The following CSMD1 variants were observed in gnomAD, a reference collection of about 807,000 sequenced individuals.
The protein encoded by CSMD1 is CUB and sushi domain-containing protein 1.
Under a neutral mutation model 417.5 loss-of-function variants are expected in CSMD1, and 213 were observed. The ratio of observed to expected loss-of-function variants is 0.51; its 90% CI spans 0.46 to 0.57. CSMD1 has a LOEUF of 0.57. Ranked by LOEUF, CSMD1 falls within the 20% of genes least tolerant of loss-of-function variation. The pLI, the probability that CSMD1 is intolerant of heterozygous loss-of-function variation, is 0.00. For synonymous variants in CSMD1, 2,862 were observed against 1,736.8 expected (o/e 1.65, Z -16.11); for missense variants, 6,923 against 4,529.7 (o/e 1.53, Z -15.17).
In CSMD1 at chr8:3,722,823, G is replaced by A. The variant is rs147670685; in HGVS notation, c.932-14332C>T. Among the ~76,000 whole-genome samples, 654 of 152,290 alleles carry A rather than the reference G, an allele frequency of 4.3e-3. 7 individuals carry two copies. The highest frequency in any genetic ancestry group is 0.015 in the African/African-American group (618 of 41,562). On this transcript the variant is annotated intron_variant, in intron 6 of 69. Coordinates refer to ENST00000635120, the MANE Select transcript of CSMD1 (RefSeq NM_033225.6). ...TAACAAGGAACGATGCTGGTCTTGA[G>A]GAAAAATATGTTTGAGATTCCCCGA...
chr8:4,689,299 G>C (rs912772746), intron 1 of CSMD1, among the ~76,000 whole-genome samples: 1 of 152,134 alleles, frequency 6.6e-6, no homozygotes, highest in Non-Finnish European at 1.5e-5. Context: ...ATGTAGGAAG[G>C]TATATTTGGG....
intron 23 of CSMD1, among the ~76,000 whole-genome samples, chr8:3,309,609 A>G (rs1452797698): frequency 6.6e-6 from 1 of 152,166 alleles, no homozygotes; most frequent in Non-Finnish European, 1.5e-5. Context: ...CATGATGCAA[A>G]TTTTGACAAT....
intron 3 of CSMD1, among the ~76,000 whole-genome samples, chr8:4,257,790 C>T (rs1272370971): frequency 6.6e-6 from 1 of 152,142 alleles, no homozygotes; most frequent in Non-Finnish European, 1.5e-5. Context: ...GTAGGAATGC[C>T]ACTAGCATTT....
chr8:4,927,749 C>A (rs1806967111), intron 1 of CSMD1, among the ~76,000 whole-genome samples: 1 of 152,114 alleles, frequency 6.6e-6, no homozygotes, highest in Admixed American at 6.6e-5. Flanking sequence ...TAGGACTTGG[C>A]AAATGCATTT....
chr8:2,960,370 C>A (rs1022973853), intron 62 of CSMD1, among the ~76,000 whole-genome samples: 3 of 152,118 alleles, frequency 2.0e-5, no homozygotes, highest in Non-Finnish European at 4.4e-5. Context: ...TTCGTGCTCA[C>A]GAGAGATGGG....
intron 4 of CSMD1, among the ~76,000 whole-genome samples, chr8:4,003,519 A>C (rs1045180170): frequency 6.6e-6 from 1 of 152,236 alleles, no homozygotes; most frequent in African/African-American, 2.4e-5. Context: ...AGTGAATTCT[A>C]GAACAAACCA....
chr8:3,649,026 C>A (rs766436547), intron 7 of CSMD1, among the ~76,000 whole-genome samples: 2 of 152,122 alleles, frequency 1.3e-5, no homozygotes, highest in African/African-American at 4.8e-5. Context: ...TGTCCAAGGT[C>A]ACAGAGTTCA....
intron 52 of CSMD1, among the ~76,000 whole-genome samples, chr8:3,006,939 A>C (rs1352489586): frequency 7.1e-6 from 1 of 140,452 alleles, no homozygotes; most frequent in Non-Finnish European, 1.5e-5. Flanking sequence ...TAATTAAACT[A>C]AAGAGCTTCT....
At chr8:4,449,013 T>C (rs1798977481) in intron 2 of CSMD1, among the ~76,000 whole-genome samples, 1 of 152,182 alleles carries the variant, frequency 6.6e-6, no homozygotes, top group Non-Finnish European at 1.5e-5. Flanking sequence ...ATTACTTGTG[T>C]GCGTTCAGCC....
chr8:3,428,952 A>G lies in CSMD1; in HGVS notation c.1562-19347T>C, dbSNP rs569998964. Among the ~76,000 whole-genome samples, 4 of 152,326 alleles carry G rather than the reference A, an allele frequency of 2.6e-5. No individual in the cohort carries two copies. In the South Asian group the frequency reaches 8.3e-4, roughly 32 times the overall value. On this transcript the variant is annotated intron_variant, in intron 12 of 69. Coordinates refer to ENST00000635120, the MANE Select transcript of CSMD1 (RefSeq NM_033225.6). ...GAGCCAGTGACAGAAAGACAAGCAC[A>G]TCATCATCTCACTTTTACGGAGAAC...
In CSMD1 at chr8:3,175,132, TTA is replaced by T. The variant is rs559665590; in HGVS notation, c.5725+5976_5725+5977del. ...CAAATCAGGTAAAACAGTAAAATAT[TTA>T]TGTTTAGTTTATAACGATAAAATCA... On this transcript the variant is annotated intron_variant, in intron 37 of 69. Coordinates refer to ENST00000635120, the MANE Select transcript of CSMD1 (RefSeq NM_033225.6). 1.9e-3 allele frequency among the ~76,000 whole-genome samples: 296 copies of T among 152,260 alleles called. 1 individual carries two copies. The highest frequency in any genetic ancestry group is 6.8e-3 in the African/African-American group (284 of 41,564).
intron 2 of CSMD1, among the ~76,000 whole-genome samples, chr8:4,604,399 G>C (rs1222909441): frequency 1.1e-5 from 1 of 91,688 alleles, no homozygotes; most frequent in Non-Finnish European, 2.9e-5. Context: ...GTGTGTGTGT[G>C]TGTGTGTGTG....
In CSMD1 at chr8:3,395,372, C is replaced by T. The variant is rs201112169; in HGVS notation, c.2593+822G>A. Among the ~76,000 whole-genome samples, 9 of 152,284 alleles carry T rather than the reference C, an allele frequency of 5.9e-5. No homozygotes were observed. The East Asian group carries it at 1.3e-3, about 23-fold the overall frequency. ...TTTCAAACAGAGAAAAGAATAACAG[C>T]TGCTTTGCTTTGTTTTGTTTTAATT... On this transcript the variant is annotated intron_variant, in intron 17 of 69. Coordinates refer to ENST00000635120, the MANE Select transcript of CSMD1 (RefSeq NM_033225.6).
At chr8:2,962,707 G>C (rs1803605019) in intron 60 of CSMD1, 68 bp from the exon 61 acceptor site, 5 of 1,482,676 alleles carry the variant, frequency 3.4e-6, no homozygotes, top group African/African-American at 1.4e-5. Context: ...ATTGAGCTTG[G>C]TAACTAGTTT....
At chr8:3,666,629 G>A (rs1308318913) in intron 7 of CSMD1, among the ~76,000 whole-genome samples, 4 of 152,132 alleles carry the variant, frequency 2.6e-5, no homozygotes, top group Admixed American at 2.6e-4. Context: ...GACCCAGAGG[G>A]AGATAATTGA....
intron 1 of CSMD1, among the ~76,000 whole-genome samples, chr8:4,965,190 C>G (rs1173965712): frequency 6.6e-6 from 1 of 152,124 alleles, no homozygotes; most frequent in East Asian, 1.9e-4. Flanking sequence ...TCTAAGAAAA[C>G]ACACATGAAG....
intron 1 of CSMD1, among the ~76,000 whole-genome samples, chr8:4,692,179 C>G (rs1048004969): frequency 6.6e-6 from 1 of 152,178 alleles, no homozygotes; most frequent in African/African-American, 2.4e-5. Flanking sequence ...CCAGCAGCCC[C>G]TGGCCTGACC....
intron 5 of CSMD1, among the ~76,000 whole-genome samples, chr8:3,920,350 C>CATGT (rs1554486660): frequency 1.6e-5 from 2 of 123,472 alleles, no homozygotes; most frequent in African/African-American, 9.5e-5. Flanking sequence ...TTCTAAGATG[C>CATGT]GTGTGTGTTT....
rs114346568 is a variant in CSMD1 at position 3,741,717 on chromosome 8, C to T, written c.931+12213G>A. 7.9e-3 allele frequency among the ~76,000 whole-genome samples: 1,207 copies of T among 152,088 alleles called. 13 individuals are homozygous for T. The highest frequency in any genetic ancestry group is 0.034 in the Middle Eastern group (10 of 294). On this transcript the variant is annotated intron_variant, in intron 6 of 69. Transcript: ENST00000635120. ...ACACAAAATTTCTCCTCTCTGAGTG[C>T]GCATTCTTACTGAGAAAGAAGAAAA...
Sources: gnomAD v4.1 joint callset for allele counts (sites outside exome capture counted in the v4.1 genomes callset) on GRCh38, gnomAD v4.1.1 for gene constraint, MANE v1.5 for transcripts, NCBI Gene and HGNC (gene_info 2026-07-23, HGNC 2026-07-21) for gene names.